The following MED13L variants were observed in gnomAD, a reference collection of about 807,000 sequenced individuals.
MED13L encodes mediator of RNA polymerase II transcription subunit 13-like.
In MED13L, 7 loss-of-function variants were observed where a neutral mutation model predicts 220.9. The observed-to-expected ratio is 0.03, with a 90% CI of 0.02 to 0.06. The LOEUF is 0.06. MED13L is among the 10% of genes least tolerant of loss of function. The pLI is 1.00. For missense variants in MED13L, 1,965 were observed against 2,760.5 expected, an observed-to-expected ratio of 0.71 and a Z score of 6.46; for synonymous variants, 1,011 against 1,015.2, an observed-to-expected ratio of 1.00 and a Z score of 0.08.
chr12:116,238,080 A>G (rs1336290727), intron 1 of MED13L, among the ~76,000 whole-genome samples: 4 of 152,240 alleles, frequency 2.6e-5, no homozygotes, highest in Admixed American at 1.3e-4. Flanking sequence ...GATTTTAAAA[A>G]TAAGTTTGTA....
chr12:116,174,910 A>T (rs920804254), intron 2 of MED13L: 5 of 152,298 alleles, frequency 3.3e-5, no homozygotes, highest in African/African-American at 1.2e-4. Flanking sequence ...ATCTCTATAG[A>T]AAACTAAAAA....
At chr12:116,082,561 A>G (rs1157082293) in intron 4 of MED13L, 1 of 152,158 alleles carries the variant, frequency 6.6e-6, no homozygotes, top group Non-Finnish European at 1.5e-5. Flanking sequence ...CACTACTTAG[A>G]ACTTCCTCTT....
At chr12:116,140,359 T>C (rs1232294163) in intron 2 of MED13L, among the ~76,000 whole-genome samples, 6 of 152,230 alleles carry the variant, frequency 3.9e-5, no homozygotes, top group Non-Finnish European at 8.8e-5. Context: ...CTGGGATACA[T>C]TAAACATTCA....
chr12:116,033,402 T>G (rs1322028373), intron 4 of MED13L, among the ~76,000 whole-genome samples: 1 of 152,176 alleles, frequency 6.6e-6, no homozygotes, highest in Admixed American at 6.5e-5. Context: ...CTATAAAAAC[T>G]TCTTAATTCA....
chr12:116,100,995 A>G (rs1041150341), intron 3 of MED13L, among the ~76,000 whole-genome samples: 2 of 152,192 alleles, frequency 1.3e-5, no homozygotes. Context: ...AGAGCAAAAC[A>G]TCGCACACAA....
At chr12:116,250,878 T>C (rs1032542271) in intron 1 of MED13L, among the ~76,000 whole-genome samples, 1 of 151,374 alleles carries the variant, frequency 6.6e-6, no homozygotes, top group African/African-American at 2.4e-5. Context: ...GTGGACTACA[T>C]GTCAGATATA....
chr12:116,201,880 G>A (rs1317688051), intron 2 of MED13L, among the ~76,000 whole-genome samples: 2 of 152,074 alleles, frequency 1.3e-5, no homozygotes, highest in African/African-American at 4.8e-5. Context: ...TTAGGTTAAG[G>A]GCAAGGTTAA....
At chr12:115,966,686 G>C (rs903646045) in intron 28 of MED13L, among the ~76,000 whole-genome samples, 3 of 152,154 alleles carry the variant, frequency 2.0e-5, no homozygotes, top group African/African-American at 7.2e-5. Flanking sequence ...TTCCTGAGCT[G>C]CCAGTAGTGC....
chr12:116,189,700 G>A (rs1881141270), intron 2 of MED13L, among the ~76,000 whole-genome samples: 1 of 152,172 alleles, frequency 6.6e-6, no homozygotes, highest in Non-Finnish European at 1.5e-5. Flanking sequence ...CTATGGATGT[G>A]CAACCACTCC....
At chr12:116,034,230 T>C (rs1360674953) in intron 4 of MED13L, among the ~76,000 whole-genome samples, 1 of 152,176 alleles carries the variant, frequency 6.6e-6, no homozygotes, top group Non-Finnish European at 1.5e-5. Flanking sequence ...ACAGGAATCA[T>C]ATTTTACCTA....
chr12:116,120,469 T>A (rs972325024), intron 2 of MED13L, among the ~76,000 whole-genome samples: 199 of 129,814 alleles, frequency 1.5e-3, no homozygotes, highest in Middle Eastern at 3.8e-3. Flanking sequence ...TCTCTCTCTC[T>A]CTCTCTCTCA....
chr12:116,062,341 A>G (rs1869565394), intron 4 of MED13L, among the ~76,000 whole-genome samples: 1 of 151,920 alleles, frequency 6.6e-6, no homozygotes, highest in African/African-American at 2.4e-5. Flanking sequence ...TTTGGTAGAG[A>G]CAGTGTTTCA....
Position 115,961,159 on chromosome 12 carries a change from A to G in MED13L, c.*107T>C, listed in dbSNP as rs1875731206. 4 of 1,402,562 alleles carry G rather than the reference A, an allele frequency of 2.9e-6. No homozygotes were observed. The African/African-American group carries it at 5.7e-5, about 20-fold the overall frequency. 86.9% of individuals were successfully genotyped at this position (1,402,562 alleles called of 1,614,324 possible). A position where few individuals can be genotyped will look rare whatever the true frequency, so the allele number is the denominator to read the frequency against. On this transcript the variant is annotated 3_prime_UTR_variant, in exon 31 of 31. Transcript: ENST00000281928. Reference sequence around the variant, plus strand: ...GGAATCACAGTGCAGGACTGTGGAGAGTGGTCTGAAGAAAAGGATGTGGGT... The same window carrying G: ...GGAATCACAGTGCAGGACTGTGGAGGGTGGTCTGAAGAAAAGGATGTGGGT...
intron 2 of MED13L, among the ~76,000 whole-genome samples, chr12:116,219,981 G>C (rs1019393097): frequency 2.6e-5 from 4 of 152,024 alleles, no homozygotes; most frequent in African/African-American, 9.7e-5. Flanking sequence ...ATTTTTGGTA[G>C]AGACAGGGTT....
At chr12:116,143,094 G>A (rs1335924081) in intron 2 of MED13L, among the ~76,000 whole-genome samples, 1 of 152,144 alleles carries the variant, frequency 6.6e-6, no homozygotes, top group Non-Finnish European at 1.5e-5. Context: ...AACTACATCA[G>A]TAGCTAACCA....
intron 2 of MED13L, among the ~76,000 whole-genome samples, chr12:116,143,884 A>G (rs1877280228): frequency 6.6e-6 from 1 of 152,228 alleles, no homozygotes. Context: ...CCAAGAAGAA[A>G]ATCACAGCAA....
At chr12:116,069,394 A>C (rs891961913) in intron 4 of MED13L, among the ~76,000 whole-genome samples, 1 of 152,032 alleles carries the variant, frequency 6.6e-6, no homozygotes, top group African/African-American at 2.4e-5. Context: ...TTCTCATTTT[A>C]TTTATTTTTG....
At chr12:116,276,655 G>A (rs1250658892) in intron 1 of MED13L, 3 of 1,195,020 alleles carry the variant, frequency 2.5e-6, no homozygotes, top group African/African-American at 1.6e-5. Context: ...CAACAACGGG[G>A]GAAGAGGTTG....
intron 2 of MED13L, among the ~76,000 whole-genome samples, chr12:116,142,343 T>C (rs1233821457): frequency 6.6e-6 from 1 of 152,166 alleles, no homozygotes; most frequent in African/African-American, 2.4e-5. Context: ...TAATTTCTCT[T>C]ATCAAGTAAG....
Sources: gnomAD v4.1 joint callset for allele counts (sites outside exome capture counted in the v4.1 genomes callset) on GRCh38, gnomAD v4.1.1 for gene constraint, MANE v1.5 for transcripts, NCBI Gene and HGNC (gene_info 2026-07-23, HGNC 2026-07-21) for gene names.